Variants in HOMER2 observed in about 807,000 individuals in gnomAD.
HOMER2 encodes homer scaffold protein 2.
HOMER2 carries 27 observed loss-of-function variants against 47.0 expected under a neutral mutation model. The ratio of observed to expected loss-of-function variants is 0.57; its 90% CI spans 0.42 to 0.79. The LOEUF is 0.79. Among genes scored for constraint, HOMER2 ranks in the 30% least tolerant of loss-of-function variants. HOMER2 has a pLI of 0.00. For synonymous variants in HOMER2, 161 were observed against 163.8 expected (o/e 0.98, Z 0.13); for missense variants, 443 against 435.0 (o/e 1.02, Z -0.16).
At position 82,868,523 on chromosome 15, in the gene HOMER2, T is replaced by TTATATATATATATATATATATATATATA. The variant is rs1244361918; in HGVS notation, c.295-4265_295-4264insTATATATATATATATATATATATATATA. 9.8e-4 allele frequency among the ~76,000 whole-genome samples: 36 copies of TTATATATATATATATATATATATATATA among 36,608 alleles called. 2 individuals carry two copies. The highest frequency in any genetic ancestry group is 3.6e-3 in the South Asian group (2 of 556). The allele number at this position is 36,608 out of a possible 152,430, so 24.0% of individuals were successfully genotyped here. On this transcript the variant is annotated intron_variant, in intron 3 of 8. Coordinates refer to ENST00000450735, the MANE Select transcript of HOMER2 (RefSeq NM_004839.4). ...AAGTTATATATATCACTTATTTATT[T>TTATATATATATATATATATATATATATA]TATATATATATATATATATTTTTTT...
intron 1 of HOMER2, among the ~76,000 whole-genome samples, chr15:82,963,163 C>CA (rs2054646104): frequency 6.6e-6 from 1 of 152,142 alleles, no homozygotes; most frequent in African/African-American, 2.4e-5. Context: ...TAGCTCACTG[C>CA]AGCCTTGAAC....
At chr15:82,861,996 G>A (rs1239738957) in intron 4 of HOMER2, among the ~76,000 whole-genome samples, 3 of 151,964 alleles carry the variant, frequency 2.0e-5, no homozygotes, top group Admixed American at 6.6e-5. Flanking sequence ...CTGAGATCGC[G>A]CCACTGCACT....
At chr15:82,954,317 G>C (rs917355907), upstream of HOMER2, among the ~76,000 whole-genome samples, 1 of 151,586 alleles carries the variant, frequency 6.6e-6, no homozygotes, top group African/African-American at 2.4e-5. Flanking sequence ...TTGAGACGGA[G>C]TCTCACTCTG....
Position 82,875,330 on chromosome 15 carries a change from G to T in HOMER2, c.237C>A (p.Asp79Glu). 6.2e-7 allele frequency: 1 copy of T among 1,613,996 alleles called. No homozygotes were observed. The highest frequency in any genetic ancestry group is 8.5e-7 in the Non-Finnish European group (1 of 1,179,896). Residue 79 changes from aspartate to glutamate, a missense_variant, in exon 3 of 9, where the codon GAC (aspartate) becomes GAA (glutamate). Coordinates refer to ENST00000450735, the MANE Select transcript of HOMER2 (RefSeq NM_004839.4). The stretch of plus-strand genomic sequence containing the variant: ...AACCAAACACTGTGTTGGCTCTGCT[G>T]TCGGCCCACTGCCCAAACTTCTGTG... ...KTSQKFGQWADSRANTVFGLG... is the reference protein window; with the variant it reads ...KTSQKFGQWAESRANTVFGLG...
chr15:82,940,375 C>T (rs971192238), intron 1 of HOMER2, among the ~76,000 whole-genome samples: 8 of 152,150 alleles, frequency 5.3e-5, no homozygotes, highest in African/African-American at 9.7e-5. Context: ...ACCTGCAAGG[C>T]GGGAGGATTG....
At chr15:82,917,925 C>A (rs566130643) in intron 1 of HOMER2, among the ~76,000 whole-genome samples, 1 of 152,086 alleles carries the variant, frequency 6.6e-6, no homozygotes, top group African/African-American at 2.4e-5. Context: ...GGTGTGGGGG[C>A]CCCAAATCCT....
In HOMER2 at chr15:82,840,924, G is replaced by A. The variant is rs370190561; in HGVS notation, c.*6350C>T. 9.9e-5 allele frequency: 15 copies of A among 151,082 alleles called. No individual in the cohort carries two copies. The East Asian group carries it at 1.2e-3, about 12-fold the overall frequency. 9.4% of individuals were successfully genotyped at this position (151,082 alleles called of 1,614,324 possible). On this transcript the variant is annotated 3_prime_UTR_variant, in exon 2 of 2. Coordinates refer to the HOMER2 transcript ENST00000558090. ...AATTCTAAATATTTAAATGTTTCCAGGGCATAGAAAAACAGAGCTTCCCAA... is the reference window on the plus strand; with the variant it reads ...AATTCTAAATATTTAAATGTTTCCAAGGCATAGAAAAACAGAGCTTCCCAA...
chr15:82,879,446 G>T (rs979228347), intron 2 of HOMER2, among the ~76,000 whole-genome samples: 2 of 152,146 alleles, frequency 1.3e-5, no homozygotes, highest in Admixed American at 6.5e-5. Flanking sequence ...GCAGTGAGCC[G>T]TGATCGTGCC....
chr15:82,862,835 G>A (rs2151631250), intron 4 of HOMER2, among the ~76,000 whole-genome samples: 1 of 152,208 alleles, frequency 6.6e-6, no homozygotes. Flanking sequence ...AACATCCTGA[G>A]CCACACCAAA....
intron 1 of HOMER2, among the ~76,000 whole-genome samples, chr15:82,922,631 C>CT (rs939256995): frequency 2.0e-5 from 3 of 152,056 alleles, no homozygotes. Flanking sequence ...TGAAGGGAGC[C>CT]TTTTTTTATG....
At chr15:82,897,508 G>A (rs2052973690) in intron 1 of HOMER2, among the ~76,000 whole-genome samples, 2 of 152,122 alleles carry the variant, frequency 1.3e-5, no homozygotes, top group South Asian at 4.1e-4. Context: ...ATGCCCTTAT[G>A]GAATCCCCTC....
chr15:82,843,623 C>T (rs961976855), exon 2 of HOMER2: 1 of 150,230 alleles, frequency 6.7e-6, no homozygotes, highest in Non-Finnish European at 1.5e-5. Flanking sequence ...TTTTGTTTTA[C>T]AATGTTTATG....
At chr15:82,847,663 C>A (rs2151589997), downstream of HOMER2, among the ~76,000 whole-genome samples, 1 of 152,346 alleles carries the variant, frequency 6.6e-6, no homozygotes, top group South Asian at 2.1e-4. Context: ...ATTCTCTTGT[C>A]AGTCAAGCGG....
At chr15:82,967,787 G>T (rs2054688433) in intron 1 of HOMER2, among the ~76,000 whole-genome samples, 1 of 151,748 alleles carries the variant, frequency 6.6e-6, no homozygotes, top group Non-Finnish European at 1.5e-5. Flanking sequence ...TGAGGCAGGA[G>T]AATCACTTGC....
chr15:82,835,794 T>A (rs1000537285), downstream of HOMER2: 1 of 152,168 alleles, frequency 6.6e-6, no homozygotes, highest in African/African-American at 2.4e-5. Context: ...CAGAGACAGG[T>A]CCAGTGGCTG....
At chr15:82,872,520 C>T (rs1436840201) in intron 3 of HOMER2, among the ~76,000 whole-genome samples, 1 of 152,202 alleles carries the variant, frequency 6.6e-6, no homozygotes, top group African/African-American at 2.4e-5. Context: ...GAGCATTTTC[C>T]TTCTGGTCTT....
At chr15:82,912,627 A>G (rs1273858464) in intron 1 of HOMER2, among the ~76,000 whole-genome samples, 1 of 152,220 alleles carries the variant, frequency 6.6e-6, no homozygotes, top group East Asian at 1.9e-4. Flanking sequence ...TTGTTAAGTC[A>G]TAGGATAACT....
intron 1 of HOMER2, 108 bp downstream of exon 1, chr15:82,952,423 G>A (rs2054526616): frequency 6.4e-6 from 5 of 786,598 alleles, no homozygotes; most frequent in Non-Finnish European, 8.4e-6. Context: ...CCGGCTTGGG[G>A]AGGCGGGGGC....
chr15:82,835,928 T>G (rs1277307359), downstream of HOMER2: 2 of 152,264 alleles, frequency 1.3e-5, no homozygotes, highest in Non-Finnish European at 2.9e-5. Flanking sequence ...ATGCATATTT[T>G]GCAGTTTGGC....
Sources: allele counts gnomAD v4.1 joint callset (sites outside exome capture counted in the v4.1 genomes callset), GRCh38; gene constraint gnomAD v4.1.1; transcripts MANE v1.5; gene names NCBI Gene and HGNC (gene_info 2026-07-23, HGNC 2026-07-21).